The following SECISBP2 variants were observed in gnomAD, a reference collection of about 807,000 sequenced individuals.
SECISBP2 encodes selenocysteine insertion sequence-binding protein 2.
Under a neutral mutation model 98.2 loss-of-function variants are expected in SECISBP2, and 96 were observed. The ratio of observed to expected loss-of-function variants is 0.98; its 90% CI spans 0.83 to 1.16. The LOEUF is 1.16. Ranked by LOEUF, SECISBP2 falls within the 50% of genes most tolerant of loss-of-function variation. The pLI, the probability that SECISBP2 is intolerant of heterozygous loss-of-function variation, is 0.00. For missense variants in SECISBP2, 1,046 were observed against 1,022.9 expected, an observed-to-expected ratio of 1.02 and a Z score of -0.31; for synonymous variants, 407 against 370.2, an observed-to-expected ratio of 1.10 and a Z score of -1.14.
downstream of SECISBP2, among the ~76,000 whole-genome samples, chr9:89,360,566 T>C (rs1209106921): frequency 6.6e-6 from 1 of 152,218 alleles, no homozygotes; most frequent in African/African-American, 2.4e-5. Flanking sequence ...ACAGAGTAGG[T>C]AGGCTTTTCA....
intron 6 of SECISBP2, chr9:89,334,220 T>G: frequency 8.3e-7 from 1 of 1,202,680 alleles, no homozygotes; most frequent in Non-Finnish European, 1.1e-6. Context: ...TGGACATTTA[T>G]TGTGGATTGT....
chr9:89,357,993 C>G lies in SECISBP2; in HGVS notation c.2269-6C>G. On this transcript the variant is annotated splice_polypyrimidine_tract_variant and splice_region_variant and intron_variant, in intron 15 of 16. Transcript: ENST00000375807. ...TGTTACCTGTGTGCTCTCACTTGTGCCCAAGGATCAGTTCCACAAGATGGT... is the reference window on the plus strand; with the variant it reads ...TGTTACCTGTGTGCTCTCACTTGTGGCCAAGGATCAGTTCCACAAGATGGT... The G allele has an allele frequency of 6.2e-7, 1 of 1,612,318 alleles. No individual in the cohort carries two copies. The highest frequency in any genetic ancestry group is 1.1e-5 in the South Asian group (1 of 90,814).
In SECISBP2 at chr9:89,325,551, G is replaced by A; in HGVS notation, c.307G>A (p.Val103Ile). 2 of 1,614,156 alleles carry A rather than the reference G, an allele frequency of 1.2e-6. No individual in the cohort carries two copies. Among genetic ancestry groups the A allele is most frequent in the Non-Finnish European group, 8.5e-7 (1 of 1,180,024 alleles). ...TTATACCCTTGACTCCACACAGAATGTTTACTCAGTGCCTGGCTCCCAGTA... is the reference window on the plus strand; with the variant it reads ...TTATACCCTTGACTCCACACAGAATATTTACTCAGTGCCTGGCTCCCAGTA... ...SPYTLDSTQNVYSVPGSQYLY... is the reference protein window; with the variant it reads ...SPYTLDSTQNIYSVPGSQYLY... The change falls in exon 3 of 17, where the codon GTT (valine) becomes ATT (isoleucine). Residue 103 changes from valine (V) to isoleucine (I), a missense_variant. Coordinates refer to ENST00000375807, the MANE Select transcript of SECISBP2 (RefSeq NM_024077.5).
At chr9:89,338,101 G>A (rs1337512795) in intron 7 of SECISBP2, among the ~76,000 whole-genome samples, 1 of 152,208 alleles carries the variant, frequency 6.6e-6, no homozygotes, top group African/African-American at 2.4e-5. Flanking sequence ...TGCAGATGAG[G>A]AACGACTGGG....
chr9:89,319,397 C>T (rs932453671), intron 1 of SECISBP2, among the ~76,000 whole-genome samples: 3 of 151,752 alleles, frequency 2.0e-5, no homozygotes, highest in Non-Finnish European at 4.4e-5. Flanking sequence ...ACTATATAAT[C>T]TGTGTTGTTT....
At position 89,359,241 on chromosome 9, in the gene SECISBP2, C is replaced by T. The variant is rs560674321; in HGVS notation, c.*417C>T. The T allele has an allele frequency of 9.5e-6, 3 of 315,114 alleles. No individual in the cohort carries two copies. The highest frequency in any genetic ancestry group is 4.4e-5 in the African/African-American group (2 of 45,822). The allele number at this position is 315,114 out of a possible 1,614,324, so 19.5% of individuals were successfully genotyped here. ...GTTGCCATGGAGGGCCATTCCTGCC[C>T]GGCAACAGCACCGTCCTGCAGGGAG... On this transcript the variant is annotated 3_prime_UTR_variant, in exon 17 of 17. Coordinates refer to ENST00000375807, the MANE Select transcript of SECISBP2 (RefSeq NM_024077.5).
At chr9:89,332,224 G>T (rs571806340) in intron 5 of SECISBP2, among the ~76,000 whole-genome samples, 1 of 151,628 alleles carries the variant, frequency 6.6e-6, no homozygotes, top group Non-Finnish European at 1.5e-5. Context: ...TATGCCCCTT[G>T]CCTGCACACA....
At chr9:89,334,806 A>G (rs560260124) in intron 7 of SECISBP2, 76 bp downstream of exon 7, 2 of 1,076,896 alleles carry the variant, frequency 1.9e-6, no homozygotes, top group South Asian at 1.3e-5. Context: ...GAAGTTATTT[A>G]TTAATGGGTA....
chr9:89,361,988 G>A (rs1832796896), downstream of SECISBP2: 1 of 286,346 alleles, frequency 3.5e-6, no homozygotes, highest in Non-Finnish European at 6.7e-6. Flanking sequence ...CTATTAGGGG[G>A]TGGGGGCACT....
At position 89,358,085 on chromosome 9, in the gene SECISBP2, G is replaced by A. The variant is rs558605628; in HGVS notation, c.2355G>A (p.Val785=). The change falls in exon 16 of 17, where the codon GTG becomes GTA. Residue 785 remains valine, a synonymous_variant. Coordinates refer to ENST00000375807, the MANE Select transcript of SECISBP2 (RefSeq NM_024077.5). ...TMLENVQQEL[V]GEPRPQAPPS... is the part of the protein sequence containing the mutation. ...TGGAGAATGTGCAGCAGGAGCTGGT[G>A]GGAGAGCCCAGGCCTCAGGCACCTC... 102 of 1,613,724 alleles carry A rather than the reference G, an allele frequency of 6.3e-5. 1 individual carries two copies. The highest frequency in any genetic ancestry group is 1.9e-4 in the South Asian group (17 of 90,994).
chr9:89,363,871 C>T (rs762539264), downstream of SECISBP2: 5 of 1,614,022 alleles, frequency 3.1e-6, no homozygotes, highest in African/African-American at 2.7e-5. Flanking sequence ...TGCCATCGGG[C>T]AGTGCATGGG....
downstream of SECISBP2, among the ~76,000 whole-genome samples, chr9:89,360,513 CTGTGA>C (rs1216750602): frequency 2.0e-5 from 3 of 152,180 alleles, no homozygotes; most frequent in Non-Finnish European, 4.4e-5. Context: ...CTCTCTAGTT[CTGTGA>C]TATTTGTTTT....
intron 6 of SECISBP2, among the ~76,000 whole-genome samples, 158 bp from the exon 7 acceptor site, chr9:89,334,364 G>A (rs1391130333): frequency 6.6e-6 from 1 of 152,212 alleles, no homozygotes; most frequent in Non-Finnish European, 1.5e-5. Context: ...AGAAAAACAA[G>A]TTTAGTGACT....
At chr9:89,360,048 A>T (rs2132130599), downstream of SECISBP2, among the ~76,000 whole-genome samples, 1 of 152,334 alleles carries the variant, frequency 6.6e-6, no homozygotes, top group South Asian at 2.1e-4. Context: ...ACATGCTATG[A>T]GCAGGGCTGG....
At chr9:89,362,193 G>A (rs1192074192), downstream of SECISBP2, 7 of 727,428 alleles carry the variant, frequency 9.6e-6, no homozygotes. Flanking sequence ...TTAAGTCTTA[G>A]TTCCTGTCAC....
chr9:89,350,797 C>CA lies in SECISBP2; in HGVS notation c.2064dup (p.Leu689ThrfsTer11). On this transcript the variant is annotated frameshift_variant, in exon 14 of 17. Coordinates refer to ENST00000375807, the MANE Select transcript of SECISBP2 (RefSeq NM_024077.5). LOFTEE classifies it high-confidence loss of function. ...GGGAGGTTCTCAAACACCTGAAGCT[C>CA]AAAAAACTGAAATGTGTCATTATTT... The CA allele has an allele frequency of 6.2e-7, 1 of 1,614,112 alleles. No homozygotes were observed. The highest frequency in any genetic ancestry group is 1.1e-5 in the South Asian group (1 of 91,084).
rs983057343 is a variant in SECISBP2, at chr9:89,358,128, G to T, written c.2398G>T (p.Gly800Cys). The T allele has an allele frequency of 2.5e-6, 4 of 1,613,712 alleles. No individual in the cohort carries two copies. The African/African-American group carries it at 4.0e-5, about 16-fold the overall frequency. Residue 800 changes from glycine to cysteine, a missense_variant, in exon 16 of 17, where the codon GGC (glycine) becomes TGC (cysteine). Coordinates refer to ENST00000375807, the MANE Select transcript of SECISBP2 (RefSeq NM_024077.5). Reference protein sequence around the residue: ...PQAPPSLPTQGPSCPAEDGPP... With the variant: ...PQAPPSLPTQCPSCPAEDGPP... ...GGCACCTCCCAGCCTACCCACACAGGGCCCCAGCTGCCCTGCAGAAGATGG... is the reference window on the plus strand; with the variant it reads ...GGCACCTCCCAGCCTACCCACACAGTGCCCCAGCTGCCCTGCAGAAGATGG...
At chr9:89,342,321 G>A (rs966016904) in intron 10 of SECISBP2, among the ~76,000 whole-genome samples, 6 of 152,166 alleles carry the variant, frequency 3.9e-5, no homozygotes, top group Admixed American at 2.0e-4. Flanking sequence ...TTGGAACCCC[G>A]TACGCTGCCG....
At chr9:89,338,886 G>GTCT (rs1554721253) in intron 8 of SECISBP2, among the ~76,000 whole-genome samples, 1 of 140,748 alleles carries the variant, frequency 7.1e-6, no homozygotes, top group Non-Finnish European at 1.6e-5. Flanking sequence ...TTCTTTACCT[G>GTCT]TTTTTTTTTT....
Sources: allele counts gnomAD v4.1 joint callset (sites outside exome capture counted in the v4.1 genomes callset), GRCh38; gene constraint gnomAD v4.1.1; transcripts MANE v1.5; gene names NCBI Gene and HGNC (gene_info 2026-07-23, HGNC 2026-07-21).